GPC5: variants seen among roughly 807,000 people sequenced by gnomAD.
The protein encoded by GPC5 is glypican 5, also known as glypican-5.
A neutral mutation model predicts 53.9 loss-of-function variants in GPC5; 47 were observed. The observed-to-expected ratio is 0.87, with a 90% CI of 0.69 to 1.11. GPC5 has a LOEUF of 1.11. Ranked by LOEUF, GPC5 falls within the 50% of genes most tolerant of loss-of-function variation. GPC5 has a pLI of 0.00. For missense variants in GPC5, 748 were observed against 713.1 expected, an observed-to-expected ratio of 1.05 and a Z score of -0.56; for synonymous variants, 286 against 263.3, an observed-to-expected ratio of 1.09 and a Z score of -0.84.
In GPC5 at chr13:92,394,446, A is replaced by G. The variant is rs1010859177; in HGVS notation, c.1561+249457A>G. 2.0e-5 allele frequency among the ~76,000 whole-genome samples: 3 copies of G among 152,286 alleles called. No individual in the cohort carries two copies. In the East Asian group the frequency reaches 5.8e-4, roughly 29 times the overall value. On this transcript the variant is annotated intron_variant, in intron 7 of 7. Coordinates refer to ENST00000377067, the MANE Select transcript of GPC5 (RefSeq NM_004466.6). Reference sequence around the variant, plus strand: ...TGCCCTAATAAAAAAAAGACCCCAGAGAGCACTTTAGCTGTCTTTCTCCCA... The same window carrying G: ...TGCCCTAATAAAAAAAAGACCCCAGGGAGCACTTTAGCTGTCTTTCTCCCA...
intron 3 of GPC5, among the ~76,000 whole-genome samples, chr13:91,695,957 CT>C (rs2139828244): frequency 6.6e-6 from 1 of 152,306 alleles, no homozygotes; most frequent in Non-Finnish European, 1.5e-5. Context: ...GACAGGCAAG[CT>C]TTCAAATCCT....
At chr13:91,962,939 C>T (rs2040139872) in intron 6 of GPC5, among the ~76,000 whole-genome samples, 1 of 152,054 alleles carries the variant, frequency 6.6e-6, no homozygotes, top group Non-Finnish European at 1.5e-5. Context: ...GAAGGCAGTA[C>T]CTATGTTCTC....
At chr13:91,698,785 G>A (rs569675171) in intron 3 of GPC5, among the ~76,000 whole-genome samples, 5 of 152,256 alleles carry the variant, frequency 3.3e-5, no homozygotes, top group African/African-American at 1.2e-4. Flanking sequence ...TTTGCTTAGC[G>A]TCAGTCAGTC....
chr13:91,816,235 T>G (rs1397891242), intron 5 of GPC5, among the ~76,000 whole-genome samples: 1 of 152,168 alleles, frequency 6.6e-6, no homozygotes, highest in Non-Finnish European at 1.5e-5. Context: ...GCAAGTATTG[T>G]GTTTGTTTTG....
intron 2 of GPC5, among the ~76,000 whole-genome samples, chr13:91,481,915 A>G (rs1481011006): frequency 6.6e-6 from 1 of 152,130 alleles, no homozygotes; most frequent in East Asian, 1.9e-4. Flanking sequence ...TGGCAGAACC[A>G]TTTGTATTGG....
chr13:92,848,949 C>T (rs1417335090), intron 7 of GPC5, among the ~76,000 whole-genome samples: 1 of 152,076 alleles, frequency 6.6e-6, no homozygotes, highest in Admixed American at 6.5e-5. Context: ...AATTTCCATA[C>T]TGGGTCAAGT....
intron 7 of GPC5, among the ~76,000 whole-genome samples, chr13:92,613,421 GA>G (rs1566320491): frequency 2.8e-4 from 13 of 47,058 alleles, no homozygotes; most frequent in South Asian, 2.7e-3. Flanking sequence ...ATATAAATAT[GA>G]TATATATTTA....
At chr13:92,380,842 G>T (rs1035259594) in intron 7 of GPC5, among the ~76,000 whole-genome samples, 1 of 151,538 alleles carries the variant, frequency 6.6e-6, no homozygotes, top group Non-Finnish European at 1.5e-5. Flanking sequence ...GCACCAGCAT[G>T]GCACATGTAT....
chr13:92,718,899 A>G (rs920268449), intron 7 of GPC5, among the ~76,000 whole-genome samples: 11 of 150,788 alleles, frequency 7.3e-5, no homozygotes, highest in African/African-American at 2.7e-4. Context: ...CCCCCACAAA[A>G]AAAAAAAAAA....
chr13:91,523,032 G>C (rs1402441190), intron 2 of GPC5, among the ~76,000 whole-genome samples: 1 of 152,110 alleles, frequency 6.6e-6, no homozygotes, highest in Non-Finnish European at 1.5e-5. Flanking sequence ...TACAATAAAA[G>C]AAATGTAAAA....
chr13:92,859,168 G>A (rs1321943035), intron 7 of GPC5, among the ~76,000 whole-genome samples: 1 of 152,116 alleles, frequency 6.6e-6, no homozygotes. Flanking sequence ...AGGATTGCTT[G>A]AGCCCAGGAG....
intron 2 of GPC5, among the ~76,000 whole-genome samples, chr13:91,591,466 A>C (rs1053660561): frequency 6.6e-6 from 1 of 152,050 alleles, no homozygotes; most frequent in Non-Finnish European, 1.5e-5. Flanking sequence ...GTATTTTTTG[A>C]GTTTTCATGT....
intron 2 of GPC5, among the ~76,000 whole-genome samples, chr13:91,610,165 G>C (rs2033504344): frequency 6.6e-6 from 1 of 152,168 alleles, no homozygotes; most frequent in South Asian, 2.1e-4. Context: ...AAGTATGTCA[G>C]AACAGTAGAA....
At chr13:92,727,682 G>A (rs1328961577) in intron 7 of GPC5, among the ~76,000 whole-genome samples, 1 of 151,282 alleles carries the variant, frequency 6.6e-6, no homozygotes, top group Non-Finnish European at 1.5e-5. Context: ...CATTTGCTGG[G>A]CAGAGTTGTG....
chr13:91,625,136 C>A (rs939355433), intron 2 of GPC5, among the ~76,000 whole-genome samples: 1 of 151,278 alleles, frequency 6.6e-6, no homozygotes, highest in Non-Finnish European at 1.5e-5. Flanking sequence ...AACAACCCTA[C>A]ACATGCTAAG....
intron 2 of GPC5, among the ~76,000 whole-genome samples, chr13:91,478,213 A>G (rs1444949211): frequency 2.0e-5 from 3 of 152,158 alleles, no homozygotes; most frequent in Non-Finnish European, 2.9e-5. Flanking sequence ...TACTCTTTTC[A>G]TTAAATAAGG....
intron 7 of GPC5, among the ~76,000 whole-genome samples, chr13:92,798,686 A>G (rs185872815): frequency 2.7e-4 from 41 of 151,928 alleles, no homozygotes; most frequent in Non-Finnish European, 4.7e-4. Context: ...TGTTATTTTT[A>G]ATCTTTACAA....
chr13:91,772,504 GT>G (rs2037641954), intron 5 of GPC5, among the ~76,000 whole-genome samples: 1 of 151,956 alleles, frequency 6.6e-6, no homozygotes, highest in Non-Finnish European at 1.5e-5. Context: ...GCCATATGTG[GT>G]TTTGATATAA....
At chr13:92,517,739 GC>G (rs768643145) in intron 7 of GPC5, among the ~76,000 whole-genome samples, 132 of 152,240 alleles carry the variant, frequency 8.7e-4, no homozygotes, top group Non-Finnish European at 1.6e-3. Context: ...AAAAAACAAA[GC>G]AGAAAAGCTG....
Sources: allele counts gnomAD v4.1 joint callset (sites outside exome capture counted in the v4.1 genomes callset), GRCh38; gene constraint gnomAD v4.1.1; transcripts MANE v1.5; gene names NCBI Gene and HGNC (gene_info 2026-07-23, HGNC 2026-07-21).